EEF1E1: variants seen among roughly 807,000 people sequenced by gnomAD.
EEF1E1 encodes eukaryotic translation elongation factor 1 epsilon-1.
A neutral mutation model predicts 19.9 loss-of-function variants in EEF1E1; 19 were observed. The ratio of observed to expected loss-of-function variants is 0.95; its 90% CI spans 0.66 to 1.40. The LOEUF (loss-of-function observed/expected upper bound fraction) is 1.40. Ranked by LOEUF, EEF1E1 falls within the 40% of genes most tolerant of loss-of-function variation. The probability of loss-of-function intolerance (pLI) is 0.00; values close to 1 mark genes in which losing one functional copy is unlikely to be tolerated. For missense variants in EEF1E1, 198 were observed against 202.2 expected, an observed-to-expected ratio of 0.98 and a Z score of 0.13; for synonymous variants, 81 against 80.0, an observed-to-expected ratio of 1.01 and a Z score of -0.07.
chr6:8,097,197 T>C (rs1276469438), intron 2 of EEF1E1, 70 bp downstream of exon 2: 1 of 1,483,028 alleles, frequency 6.7e-7, no homozygotes, highest in East Asian at 2.3e-5. Context: ...CTACAGCTTT[T>C]TAATCTCAGG....
chr6:8,085,945 T>C (rs916736095), intron 3 of EEF1E1, among the ~76,000 whole-genome samples: 4 of 152,204 alleles, frequency 2.6e-5, no homozygotes, highest in African/African-American at 7.2e-5. Flanking sequence ...AATATGCCCC[T>C]GAAAATAGTT....
At chr6:8,091,755 T>C (rs1344839557) in intron 2 of EEF1E1, among the ~76,000 whole-genome samples, 2 of 152,224 alleles carry the variant, frequency 1.3e-5, no homozygotes, top group African/African-American at 2.4e-5. Context: ...TTATATGAAC[T>C]ATTATTAAAT....
chr6:8,097,365 T>C lies in EEF1E1; in HGVS notation c.190A>G (p.Thr64Ala). ...QANKEYLLGS[T>A]AEEKAIVQQW... is the part of the protein sequence containing the mutation. The stretch of plus-strand genomic sequence containing the variant: ...TGAACGATTGCTTTTTCTTCTGCAG[T>C]ACTCCCCAGCAAATATTCTTTGTTG... The change falls in exon 2 of 4, where the codon ACT becomes GCT. Residue 64 changes from threonine (T) to alanine (A), a missense_variant. By Grantham distance (58) the Thr-to-Ala change is moderately conservative (BLOSUM62 0). Coordinates refer to ENST00000379715, the MANE Select transcript of EEF1E1 (RefSeq NM_004280.5). The C allele has an allele frequency of 6.2e-7, 1 of 1,614,220 alleles. No homozygotes were observed. Among genetic ancestry groups the C allele is most frequent in the Non-Finnish European group, 8.5e-7 (1 of 1,180,032 alleles).
At chr6:8,087,027 C>T (rs778374008) in intron 3 of EEF1E1, among the ~76,000 whole-genome samples, 18 of 151,934 alleles carry the variant, frequency 1.2e-4, no homozygotes, top group Non-Finnish European at 2.2e-4. Context: ...GAGATGCAGC[C>T]GAGGAATGAG....
intron 3 of EEF1E1, among the ~76,000 whole-genome samples, chr6:8,087,683 C>T (rs75509974): frequency 0.039 from 5,891 of 152,270 alleles, 182 homozygotes; most frequent in Non-Finnish European, 0.056. Context: ...GAAAAAGACA[C>T]GGTCATGAGA....
At chr6:8,081,770 G>T (rs369956717) in intron 3 of EEF1E1, among the ~76,000 whole-genome samples, 1 of 152,154 alleles carries the variant, frequency 6.6e-6, no homozygotes, top group Non-Finnish European at 1.5e-5. Context: ...AATCAACTTC[G>T]ACAAATCTCT....
Position 8,079,397 on chromosome 6 carries a change from T to G in EEF1E1, c.*493A>C. 3.0e-6 allele frequency: 3 copies of G among 988,418 alleles called. No homozygotes were observed. The South Asian group carries it at 1.4e-4, about 46-fold the overall frequency. The allele number at this position is 988,418 out of a possible 1,614,324, so 61.2% of individuals were successfully genotyped here. On this transcript the variant is annotated 3_prime_UTR_variant, in exon 4 of 4. Coordinates refer to ENST00000379715, the MANE Select transcript of EEF1E1 (RefSeq NM_004280.5). ...GAAAGAAAGAAACAACGAAAAAATA[T>G]TTTTTCAACCACATTTACTAGCTCA...
At chr6:8,079,363 C>G, downstream of EEF1E1, 1 of 979,132 alleles carries the variant, frequency 1.0e-6, no homozygotes, top group Non-Finnish European at 1.2e-6. Flanking sequence ...CCAATGAGTA[C>G]TGACTACAGA....
At chr6:8,095,977 G>T (rs1415955673) in intron 2 of EEF1E1, among the ~76,000 whole-genome samples, 1 of 152,124 alleles carries the variant, frequency 6.6e-6, no homozygotes, top group Non-Finnish European at 1.5e-5. Context: ...TTATATAGTA[G>T]GTGCAGATGA....
At chr6:8,098,043 T>C (rs976661610) in intron 1 of EEF1E1, among the ~76,000 whole-genome samples, 5 of 150,974 alleles carry the variant, frequency 3.3e-5, no homozygotes, top group African/African-American at 1.2e-4. Flanking sequence ...ACAATCTCAA[T>C]GACTTAAGTA....
rs1758328270 is a variant in EEF1E1 at position 8,100,820 on chromosome 6, G to A, written c.87+1615C>T. Among the ~76,000 whole-genome samples, 7 of 150,944 alleles carry A rather than the reference G, an allele frequency of 4.6e-5. No individual in the cohort carries two copies. In the Admixed American group the frequency reaches 4.7e-4, roughly 10 times the overall value. On this transcript the variant is annotated intron_variant, in intron 1 of 3. Coordinates refer to ENST00000379715, the MANE Select transcript of EEF1E1 (RefSeq NM_004280.5). ...CTGGCGCCACCAGCCCCAGAGAGTT[G>A]CTGCTCACCCACGACAGTCCATGAA...
In EEF1E1 at chr6:8,090,333, AAGTT is replaced by A. The variant is rs1488638175; in HGVS notation, c.289-56_289-53del. On this transcript the variant is annotated intron_variant, in intron 2 of 3. Coordinates refer to ENST00000379715, the MANE Select transcript of EEF1E1 (RefSeq NM_004280.5). ...ATTAATGTAAAAAACAGTAATAATA[AAGTT>A]AATTATCATATCATGACTTAAAAGA... 2.4e-6 allele frequency: 3 copies of A among 1,269,410 alleles called. No homozygotes were observed. The African/African-American group carries it at 4.8e-5, about 20-fold the overall frequency. 78.6% of individuals were successfully genotyped at this position (1,269,410 alleles called of 1,614,324 possible).
downstream of EEF1E1, among the ~76,000 whole-genome samples, chr6:8,076,996 G>A (rs1232213599): frequency 3.7e-5 from 2 of 53,670 alleles, no homozygotes; most frequent in Non-Finnish European, 4.2e-5. Context: ...AGGCTGGAGT[G>A]CAGTGGCAGC....
intron 1 of EEF1E1, among the ~76,000 whole-genome samples, chr6:8,099,776 ACACACACAC>A (rs1561646271): frequency 9.6e-5 from 12 of 124,880 alleles, no homozygotes; most frequent in Non-Finnish European, 1.9e-4. Flanking sequence ...ACACACACAC[ACACACACAC>A]ACACACAAAA....
At chr6:8,099,792 A>ACACACAC (rs1554099745) in intron 1 of EEF1E1, among the ~76,000 whole-genome samples, 5 of 78,478 alleles carry the variant, frequency 6.4e-5, no homozygotes, top group East Asian at 2.6e-4. Context: ...ACACACACAC[A>ACACACAC]AAAAAAAAAC....
chr6:8,077,055 T>C (rs1354864734), downstream of EEF1E1, among the ~76,000 whole-genome samples: 6 of 151,288 alleles, frequency 4.0e-5, no homozygotes, highest in South Asian at 2.1e-4. Context: ...GCCATTCTCC[T>C]GCCTCAGCTT....
In EEF1E1 at chr6:8,102,466, C is replaced by A; in HGVS notation, c.56G>T (p.Gly19Val). 1.9e-6 allele frequency: 3 copies of A among 1,612,700 alleles called. No individual in the cohort carries two copies. Among genetic ancestry groups the A allele is most frequent in the Non-Finnish European group, 8.5e-7 (1 of 1,179,980 alleles). Residue 19 changes from glycine to valine, a missense_variant, in exon 1 of 4, where the codon GGG becomes GTG. Physicochemically the swap from Gly to Val is moderately radical, Grantham distance 109. Coordinates refer to ENST00000379715, the MANE Select transcript of EEF1E1 (RefSeq NM_004280.5). ...LLEKSLGLSK[G>V]NKYSAQGERQ... ...CTCGCCCTGAGCACTGTATTTATTCCCCTTACTCAGTCCCAGGGACTTCTC... is the reference window on the plus strand; with the variant it reads ...CTCGCCCTGAGCACTGTATTTATTCACCTTACTCAGTCCCAGGGACTTCTC...
intron 2 of EEF1E1, among the ~76,000 whole-genome samples, chr6:8,093,954 C>T (rs1224386061): frequency 1.3e-5 from 2 of 151,922 alleles, no homozygotes; most frequent in East Asian, 1.9e-4. Context: ...CGTGCCATCA[C>T]GCCCAGCTAA....
chr6:8,077,643 A>T (rs1757630809), downstream of EEF1E1, among the ~76,000 whole-genome samples: 1 of 152,150 alleles, frequency 6.6e-6, no homozygotes, highest in African/African-American at 2.4e-5. Flanking sequence ...CAACCTTCAT[A>T]GAATCGAAGA....
Sources: gnomAD v4.1 joint callset for allele counts (sites outside exome capture counted in the v4.1 genomes callset) on GRCh38, gnomAD v4.1.1 for gene constraint, MANE v1.5 for transcripts, NCBI Gene and HGNC (gene_info 2026-07-23, HGNC 2026-07-21) for gene names.